DAB1: variants seen among roughly 807,000 people sequenced by gnomAD.
The protein encoded by DAB1 is DAB adaptor protein 1, also known as disabled homolog 1.
Under a neutral mutation model 64.6 loss-of-function variants are expected in DAB1, and 15 were observed. That is an observed-to-expected ratio of 0.23 (90% CI 0.16 to 0.36). The LOEUF is 0.36. DAB1 is among the 10% of genes least tolerant of loss of function. DAB1 has a pLI of 1.00. For missense variants in DAB1, 596 were observed against 706.7 expected (o/e 0.84, Z 1.78); for synonymous variants, 235 against 251.9 (o/e 0.93, Z 0.64).
chr1:58,014,048 T>A (rs2100436578), intron 5 of DAB1, among the ~76,000 whole-genome samples: 1 of 152,326 alleles, frequency 6.6e-6, no homozygotes, highest in East Asian at 1.9e-4. Context: ...TAAATATGTT[T>A]CATTTTACTT....
intron 2 of DAB1, among the ~76,000 whole-genome samples, chr1:57,235,120 A>T (rs1295943044): frequency 6.6e-6 from 1 of 152,202 alleles, no homozygotes; most frequent in African/African-American, 2.4e-5. Context: ...TTTGGGGGCC[A>T]TTTGGAAAGT....
intron 6 of DAB1, among the ~76,000 whole-genome samples, chr1:57,734,192 G>A (rs1350854641): frequency 1.3e-5 from 2 of 152,114 alleles, no homozygotes; most frequent in Non-Finnish European, 2.9e-5. Context: ...TTCATGGTGT[G>A]CCCTTGGGCA....
rs935366316 is a variant in DAB1, at chr1:58,527,389, G to T, written n.33-54C>A. 5.4e-5 allele frequency: 45 copies of T among 834,360 alleles called. No individual in the cohort carries two copies. The Admixed American group carries it at 7.6e-4, about 14-fold the overall frequency. The allele number at this position is 834,360 out of a possible 1,614,324, so 51.7% of individuals were successfully genotyped here. On this transcript the variant is annotated intron_variant and non_coding_transcript_variant, in intron 1 of 20. Coordinates refer to the DAB1 transcript ENST00000485760. ...TAAGACAATTTATTTCACGAAAAAAGGAGTAACACAGAGAGATTTTTAAAA... is the reference window on the plus strand; with the variant it reads ...TAAGACAATTTATTTCACGAAAAAATGAGTAACACAGAGAGATTTTTAAAA...
At chr1:57,504,154 G>A (rs911104713) in intron 7 of DAB1, among the ~76,000 whole-genome samples, 1 of 152,136 alleles carries the variant, frequency 6.6e-6, no homozygotes, top group Non-Finnish European at 1.5e-5. Context: ...TACTGTTAAT[G>A]TTGTTTAAAA....
chr1:57,454,168 A>G (rs1686494666), intron 7 of DAB1, among the ~76,000 whole-genome samples: 1 of 152,260 alleles, frequency 6.6e-6, no homozygotes, highest in South Asian at 2.1e-4. Context: ...GTTCCTGTTC[A>G]TTCTCATTTT....
chr1:58,471,390 G>A (rs1031918418), intron 3 of DAB1, among the ~76,000 whole-genome samples: 3 of 152,160 alleles, frequency 2.0e-5, no homozygotes, highest in African/African-American at 7.2e-5. Flanking sequence ...ATCAGATCTA[G>A]TTACACACCT....
At chr1:57,936,423 G>A (rs530385163) in intron 5 of DAB1, among the ~76,000 whole-genome samples, 19 of 152,148 alleles carry the variant, frequency 1.2e-4, no homozygotes, top group Non-Finnish European at 2.1e-4. Context: ...ACAGAGTCTT[G>A]CTCCATCATC....
chr1:57,739,017 C>A (rs1557452706), intron 6 of DAB1, among the ~76,000 whole-genome samples: 1 of 152,206 alleles, frequency 6.6e-6, no homozygotes, highest in African/African-American at 2.4e-5. Flanking sequence ...TGCATCATCA[C>A]CTTTCAGGTT....
intron 2 of DAB1, among the ~76,000 whole-genome samples, chr1:57,167,772 C>G (rs79154319): frequency 2.6e-5 from 4 of 152,138 alleles, no homozygotes; most frequent in African/African-American, 9.7e-5. Flanking sequence ...GTGTAGTCAC[C>G]GTAATCTAAT....
At chr1:57,729,801 C>T (rs1647331513) in intron 6 of DAB1, among the ~76,000 whole-genome samples, 2 of 152,186 alleles carry the variant, frequency 1.3e-5, no homozygotes, top group South Asian at 4.2e-4. Flanking sequence ...TGGCTCACAC[C>T]TGTAATCTCA....
chr1:57,014,634 A>T (rs1646365037), intron 12 of DAB1, among the ~76,000 whole-genome samples: 1 of 152,222 alleles, frequency 6.6e-6, no homozygotes, highest in Admixed American at 6.5e-5. Context: ...TCTGTCAAAC[A>T]GGTCTAACAA....
At chr1:57,346,766 C>G (rs1394763964) in intron 1 of DAB1, among the ~76,000 whole-genome samples, 1 of 152,092 alleles carries the variant, frequency 6.6e-6, no homozygotes, top group Non-Finnish European at 1.5e-5. Flanking sequence ...ATGAACTGAC[C>G]AATTTTCAGA....
chr1:58,302,052 T>A (rs1166061085), intron 4 of DAB1, among the ~76,000 whole-genome samples: 1 of 152,098 alleles, frequency 6.6e-6, no homozygotes, highest in South Asian at 2.1e-4. Context: ...AGCTTAATGA[T>A]AGAGAAATTG....
chr1:58,538,805 T>C, intron 1 of DAB1: 4 of 809,190 alleles, frequency 4.9e-6, no homozygotes, highest in Non-Finnish European at 8.4e-6. Flanking sequence ...CTGCCTACAA[T>C]GATTGCAAAT....
intron 5 of DAB1, among the ~76,000 whole-genome samples, chr1:57,940,810 G>A (rs1884484): frequency 0.4 from 61,072 of 151,806 alleles, 13,395 homozygotes; most frequent in Admixed American, 0.51. Context: ...AGTGTGTGAG[G>A]CTCCCTAGAG....
At chr1:57,663,293 C>T (rs4244009) in intron 6 of DAB1, among the ~76,000 whole-genome samples, 46,716 of 152,088 alleles carry the variant, frequency 0.31, 7,659 homozygotes, top group Non-Finnish European at 0.38. Context: ...ATGATCCAAT[C>T]ACCTCCTACC....
intron 7 of DAB1, among the ~76,000 whole-genome samples, chr1:57,646,894 T>C (rs1442960958): frequency 6.6e-6 from 1 of 152,218 alleles, no homozygotes; most frequent in Non-Finnish European, 1.5e-5. Context: ...CGAACCCTTC[T>C]CACCCAGCAC....
chr1:57,204,621 A>G (rs1665392434), intron 2 of DAB1, among the ~76,000 whole-genome samples: 1 of 152,188 alleles, frequency 6.6e-6, no homozygotes, highest in Admixed American at 6.5e-5. Flanking sequence ...ATGAACTTAA[A>G]GGATGTCATC....
intron 5 of DAB1, among the ~76,000 whole-genome samples, chr1:57,982,672 CA>C (rs1646095318): frequency 6.6e-6 from 1 of 152,194 alleles, no homozygotes; most frequent in Non-Finnish European, 1.5e-5. Context: ...TTCAAGGAAG[CA>C]AAATTCTCTA....
Sources: gnomAD v4.1 joint callset for allele counts (sites outside exome capture counted in the v4.1 genomes callset) on GRCh38, gnomAD v4.1.1 for gene constraint, MANE v1.5 for transcripts, NCBI Gene and HGNC (gene_info 2026-07-23, HGNC 2026-07-21) for gene names.